The following PPP1R21 variants were observed in gnomAD, a reference collection of about 807,000 sequenced individuals.
PPP1R21 encodes the protein KLRAQ motif containing 1.
A neutral mutation model predicts 112.8 loss-of-function variants in PPP1R21; 85 were observed. That is an observed-to-expected ratio of 0.75 (90% CI 0.63 to 0.90). The LOEUF is 0.90. Among genes scored for constraint, PPP1R21 ranks in the 40% least tolerant of loss-of-function variants. The pLI, the probability that PPP1R21 is intolerant of heterozygous loss-of-function variation, is 0.00. For missense variants in PPP1R21, 1,199 were observed against 901.5 expected (o/e 1.33, Z -4.23); for synonymous variants, 381 against 322.3 (o/e 1.18, Z -1.95).
At chr2:48,464,388 G>A (rs1668109072) in intron 7 of PPP1R21, among the ~76,000 whole-genome samples, 1 of 152,108 alleles carries the variant, frequency 6.6e-6, no homozygotes, top group Non-Finnish European at 1.5e-5. Flanking sequence ...GGAGTTTGAG[G>A]AGGTATGGCT....
rs1197305326 is a variant in PPP1R21, at chr2:48,471,116, C to G, written c.927C>G (p.Ser309=). The part of the protein sequence containing the change: ...KFSQYLHENA[S]YVRPLEEGML... ...CACAATACCTTCATGAAAATGCGTC[C>G]TATGTCCGCCCTCTTGAGGAAGGAA... Residue 309 remains serine, a synonymous_variant, in exon 10 of 22, where the codon TCC becomes TCG. Coordinates refer to ENST00000294952, the MANE Select transcript of PPP1R21 (RefSeq NM_001135629.3). 6.2e-7 allele frequency: 1 copy of G among 1,612,222 alleles called. No homozygotes were observed. Among genetic ancestry groups the G allele is most frequent in the African/African-American group, 1.3e-5 (1 of 74,928 alleles).
Position 48,505,602 on chromosome 2 carries a change from A to C in PPP1R21, c.1968+6A>C. On this transcript the variant is annotated splice_donor_region_variant and intron_variant, in intron 18 of 21. Coordinates refer to ENST00000294952, the MANE Select transcript of PPP1R21 (RefSeq NM_001135629.3). Reference sequence around the variant, plus strand: ...CCAGGACATCTGACAGTGAGGTAACATGTGCTTGTCATCATGTTGTTTGTT... The same window carrying C: ...CCAGGACATCTGACAGTGAGGTAACCTGTGCTTGTCATCATGTTGTTTGTT... The C allele has an allele frequency of 6.5e-7, 1 of 1,548,842 alleles. No individual in the cohort carries two copies. The highest frequency in any genetic ancestry group is 8.7e-7 in the Non-Finnish European group (1 of 1,143,890).
intron 18 of PPP1R21, 118 bp downstream of exon 18, chr2:48,505,714 C>G (rs983622705): frequency 1.4e-5 from 12 of 852,720 alleles, no homozygotes; most frequent in East Asian, 5.3e-5. Context: ...CCTGACACTT[C>G]TAGCAAATGT....
intron 7 of PPP1R21, among the ~76,000 whole-genome samples, chr2:48,464,614 ATGAC>A (rs1407603935): frequency 1.3e-5 from 2 of 152,182 alleles, no homozygotes; most frequent in African/African-American, 4.8e-5. Context: ...AGAAGGGAGA[ATGAC>A]TGAAAACAGC....
At chr2:48,458,256 T>G (rs1667811524) in intron 4 of PPP1R21, 29 bp downstream of exon 4, 1 of 1,452,298 alleles carries the variant, frequency 6.9e-7, no homozygotes, top group South Asian at 1.1e-5. Flanking sequence ...CTATGTGAAT[T>G]AAAAAATGGG....
intron 1 of PPP1R21, among the ~76,000 whole-genome samples, chr2:48,445,145 T>A: frequency 6.7e-6 from 1 of 150,094 alleles, no homozygotes; most frequent in East Asian, 1.9e-4. Flanking sequence ...CTTTTTTTTT[T>A]TTTTTTTTTT....
intron 11 of PPP1R21, among the ~76,000 whole-genome samples, chr2:48,473,264 A>G (rs1668605449): frequency 2.0e-5 from 3 of 151,734 alleles, no homozygotes; most frequent in Admixed American, 1.3e-4. Context: ...TAATAGTTTT[A>G]TTTTAGATCA....
At chr2:48,506,996 A>G (rs1572898977) in intron 18 of PPP1R21, among the ~76,000 whole-genome samples, 1 of 150,460 alleles carries the variant, frequency 6.6e-6, no homozygotes, top group Admixed American at 6.6e-5. Context: ...AGCTGGATGG[A>G]GGGGCAGGGT....
At chr2:48,498,788 A>C in intron 17 of PPP1R21, 53 bp downstream of exon 17, 1 of 1,575,638 alleles carries the variant, frequency 6.3e-7, no homozygotes, top group Non-Finnish European at 8.7e-7. Context: ...CTAATTGGTA[A>C]GTATCTAATG....
At chr2:48,483,151 G>T (rs368812864) in intron 13 of PPP1R21, among the ~76,000 whole-genome samples, 3 of 145,638 alleles carry the variant, frequency 2.1e-5, no homozygotes, top group East Asian at 2.0e-4. Context: ...GTTCTATGAC[G>T]TATACGTACT....
chr2:48,469,260 A>AG (rs1558455772), intron 9 of PPP1R21, among the ~76,000 whole-genome samples: 4 of 56,192 alleles, frequency 7.1e-5, no homozygotes, highest in African/African-American at 1.6e-4. Flanking sequence ...ATATATTTGA[A>AG]TTGTGTGTGT....
intron 16 of PPP1R21, among the ~76,000 whole-genome samples, chr2:48,497,428 T>TC (rs1669896261): frequency 6.6e-6 from 1 of 152,160 alleles, no homozygotes; most frequent in Non-Finnish European, 1.5e-5. Flanking sequence ...TGCTCTCCTC[T>TC]CCCCCAAAGG....
intron 20 of PPP1R21, 101 bp downstream of exon 20, chr2:48,510,214 T>C (rs1167254741): frequency 7.8e-6 from 6 of 768,752 alleles, no homozygotes; most frequent in Non-Finnish European, 1.0e-5. Flanking sequence ...TCTCTAGATA[T>C]GCTTTTTAAG....
chr2:48,447,519 G>A (rs1293196317), intron 1 of PPP1R21, among the ~76,000 whole-genome samples: 1 of 152,142 alleles, frequency 6.6e-6, no homozygotes, highest in Non-Finnish European at 1.5e-5. Context: ...TATGTCATAT[G>A]CATTGGTGTC....
chr2:48,502,807 A>AGTAGCTG (rs1259747706), intron 17 of PPP1R21, among the ~76,000 whole-genome samples: 2 of 151,302 alleles, frequency 1.3e-5, no homozygotes, highest in African/African-American at 2.4e-5. Context: ...CAGGCTTCCA[A>AGTAGCTG]GTAGCTGGGA....
intron 3 of PPP1R21, among the ~76,000 whole-genome samples, chr2:48,456,252 CTTT>C (rs778594245): frequency 2.3e-5 from 3 of 130,362 alleles, no homozygotes; most frequent in African/African-American, 2.8e-5. Context: ...GATTGCTGCT[CTTT>C]TTTTTTTTTT....
intron 12 of PPP1R21, among the ~76,000 whole-genome samples, chr2:48,477,860 C>T (rs952786471): frequency 3.3e-5 from 5 of 151,994 alleles, no homozygotes; most frequent in African/African-American, 7.2e-5. Context: ...ATGTGAAATT[C>T]TAACTGTCAG....
intron 1 of PPP1R21, among the ~76,000 whole-genome samples, chr2:48,443,532 C>T (rs555247856): frequency 3.9e-5 from 6 of 152,252 alleles, no homozygotes; most frequent in South Asian, 4.1e-4. Flanking sequence ...AAACACCTGT[C>T]GGGAGGATGT....
In PPP1R21 at chr2:48,465,563, T is replaced by G. The variant is rs770951573; in HGVS notation, c.818T>G (p.Phe273Cys). The change falls in exon 9 of 22, where the codon TTT becomes TGT. Residue 273 changes from phenylalanine (F) to cysteine (C), a missense_variant. By Grantham distance (205) the Phe-to-Cys change is radical. Coordinates refer to ENST00000294952, the MANE Select transcript of PPP1R21 (RefSeq NM_001135629.3). ...VQDLVTALLN[F>C]HTYTEQRIQI... is the part of the protein sequence containing the mutation. ...GATCTTGTGACGGCTCTTCTAAACT[T>G]TCATACCTACACAGAACAGAGGATT... The G allele has an allele frequency of 3.1e-6, 5 of 1,613,998 alleles. No individual in the cohort carries two copies. The highest frequency in any genetic ancestry group is 4.2e-6 in the Non-Finnish European group (5 of 1,179,932).
Sources: gnomAD v4.1 joint callset for allele counts (sites outside exome capture counted in the v4.1 genomes callset) on GRCh38, gnomAD v4.1.1 for gene constraint, MANE v1.5 for transcripts, NCBI Gene and HGNC (gene_info 2026-07-23, HGNC 2026-07-21) for gene names.